Variants in TTBK2 observed in about 807,000 individuals in gnomAD.
TTBK2 encodes tau-tubulin kinase 2.
In TTBK2, 28 loss-of-function variants were observed where a neutral mutation model predicts 110.8. The observed-to-expected ratio is 0.25, with a 90% CI of 0.19 to 0.35. TTBK2 has a LOEUF of 0.35. TTBK2 is among the 10% of genes least tolerant of loss of function. The probability of loss-of-function intolerance (pLI) is 1.00; values close to 1 mark genes in which losing one functional copy is unlikely to be tolerated. For synonymous variants in TTBK2, 532 were observed against 527.3 expected (o/e 1.01, Z -0.12); for missense variants, 1,369 against 1,500.3 (o/e 0.91, Z 1.45).
intron 7 of TTBK2, among the ~76,000 whole-genome samples, 188 bp downstream of exon 7, chr15:42,816,844 G>A (rs542696032): frequency 2.6e-5 from 4 of 151,884 alleles, no homozygotes; most frequent in East Asian, 1.9e-4. Context: ...ACTTGAACCC[G>A]GGAGGCAGAG....
intron 1 of TTBK2, among the ~76,000 whole-genome samples, chr15:42,892,174 G>C (rs968200701): frequency 1.5e-4 from 23 of 152,162 alleles, no homozygotes; most frequent in African/African-American, 5.5e-4. Context: ...CTAGCTTAAT[G>C]TTATTAAGCT....
At chr15:42,845,799 AC>A (rs1893433824) in intron 3 of TTBK2, among the ~76,000 whole-genome samples, 1 of 152,170 alleles carries the variant, frequency 6.6e-6, no homozygotes, top group Non-Finnish European at 1.5e-5. Flanking sequence ...GGGTGTGCTT[AC>A]AAAAACCTAG....
chr15:42,898,361 A>G (rs7165888), intron 1 of TTBK2, among the ~76,000 whole-genome samples: 64,212 of 151,706 alleles, frequency 0.42, 16,405 homozygotes, highest in African/African-American at 0.72. Context: ...CGGGACCAAC[A>G]TGGCAAAACT....
chr15:42,905,579 T>A (rs1278069797), intron 1 of TTBK2, among the ~76,000 whole-genome samples: 2 of 152,246 alleles, frequency 1.3e-5, no homozygotes, highest in African/African-American at 4.8e-5. Context: ...TTAAATTGTA[T>A]AGGAACTTCA....
At chr15:42,790,687 A>T (rs887361003) in intron 10 of TTBK2, among the ~76,000 whole-genome samples, 12 of 137,838 alleles carry the variant, frequency 8.7e-5, no homozygotes, top group Non-Finnish European at 1.8e-4. Context: ...AAATGCTCTT[A>T]GTTCTCTGTG....
At chr15:42,812,648 C>T (rs1446668417) in intron 7 of TTBK2, among the ~76,000 whole-genome samples, 1 of 151,722 alleles carries the variant, frequency 6.6e-6, no homozygotes, top group Non-Finnish European at 1.5e-5. Flanking sequence ...AAAGAAGCTA[C>T]AAAGAGTAGA....
chr15:42,745,490 T>A lies in TTBK2; in HGVS notation c.*305A>T. On this transcript the variant is annotated 3_prime_UTR_variant, in exon 15 of 15. Transcript: ENST00000267890. ...CCCCCTAAAATTCCATTCTATCTCC[T>A]ATCCTCAACTCTTTTGTTTCAAAGG... 1 of 393,890 alleles carries A rather than the reference T, an allele frequency of 2.5e-6. No individual in the cohort carries two copies. The highest frequency in any genetic ancestry group is 4.7e-6 in the Non-Finnish European group (1 of 212,512). 24.4% of individuals were successfully genotyped at this position (393,890 alleles called of 1,614,324 possible). A position where few individuals can be genotyped will look rare whatever the true frequency, so the allele number is the denominator to read the frequency against.
chr15:42,779,183 C>T (rs987965563), intron 11 of TTBK2, among the ~76,000 whole-genome samples: 13 of 152,236 alleles, frequency 8.5e-5, no homozygotes, highest in Middle Eastern at 3.4e-3. Flanking sequence ...GTGGGTGAAT[C>T]ACTTGAGGCC....
intron 3 of TTBK2, among the ~76,000 whole-genome samples, chr15:42,862,748 C>T (rs1165953908): frequency 4.6e-5 from 7 of 152,102 alleles, no homozygotes; most frequent in South Asian, 2.1e-4. Flanking sequence ...ATTAGCCAGG[C>T]GTGGTGGCGC....
At chr15:42,822,491 G>A (rs934992437) in intron 6 of TTBK2, among the ~76,000 whole-genome samples, 1 of 152,092 alleles carries the variant, frequency 6.6e-6, no homozygotes. Flanking sequence ...CAGAAAAAAT[G>A]AGATGCATTT....
intron 3 of TTBK2, among the ~76,000 whole-genome samples, chr15:42,847,890 T>C (rs1356162288): frequency 6.6e-6 from 1 of 152,212 alleles, no homozygotes; most frequent in African/African-American, 2.4e-5. Context: ...TCTCACTTTG[T>C]CACCTAGGTT....
intron 13 of TTBK2, among the ~76,000 whole-genome samples, chr15:42,759,402 G>C (rs1440778088): frequency 6.6e-6 from 1 of 152,212 alleles, no homozygotes; most frequent in African/African-American, 2.4e-5. Flanking sequence ...TTGGACCTGA[G>C]AAACAGCCTG....
chr15:42,846,018 G>C (rs1432910046), intron 3 of TTBK2, among the ~76,000 whole-genome samples: 1 of 151,844 alleles, frequency 6.6e-6, no homozygotes, highest in Non-Finnish European at 1.5e-5. Context: ...ACAAAATGCT[G>C]TTGTGTGATG....
chr15:42,888,813 T>C (rs1395739201), intron 1 of TTBK2, among the ~76,000 whole-genome samples: 30 of 152,152 alleles, frequency 2.0e-4, no homozygotes, highest in Admixed American at 2.0e-3. Context: ...TCAGATCCCA[T>C]CGCTCAGGGC....
At chr15:42,862,886 T>G (rs1894215352) in intron 3 of TTBK2, among the ~76,000 whole-genome samples, 1 of 151,988 alleles carries the variant, frequency 6.6e-6, no homozygotes, top group Non-Finnish European at 1.5e-5. Context: ...AAAACTCTGT[T>G]GCAAAAATAA....
chr15:42,871,976 C>G (rs1265960959), intron 3 of TTBK2, among the ~76,000 whole-genome samples: 1 of 152,016 alleles, frequency 6.6e-6, no homozygotes, highest in Non-Finnish European at 1.5e-5. Flanking sequence ...TGTCATTAAG[C>G]TGAGAATACA....
chr15:42,916,045 T>C (rs1678415828), intron 1 of TTBK2, among the ~76,000 whole-genome samples: 1 of 152,202 alleles, frequency 6.6e-6, no homozygotes, highest in South Asian at 2.1e-4. Flanking sequence ...AATGTGTGTT[T>C]TGATCCTGTA....
At chr15:42,818,057 G>C (rs1299229817) in intron 6 of TTBK2, among the ~76,000 whole-genome samples, 1 of 151,916 alleles carries the variant, frequency 6.6e-6, no homozygotes, top group Non-Finnish European at 1.5e-5. Flanking sequence ...TTCTTATTCT[G>C]TTTATTGCCC....
intron 9 of TTBK2, among the ~76,000 whole-genome samples, chr15:42,807,840 T>C (rs897121266): frequency 2.0e-5 from 3 of 152,206 alleles, no homozygotes; most frequent in Non-Finnish European, 2.9e-5. Flanking sequence ...TATCTTCACA[T>C]TTATTTTAAC....
Sources: allele counts gnomAD v4.1 joint callset (sites outside exome capture counted in the v4.1 genomes callset), GRCh38; gene constraint gnomAD v4.1.1; transcripts MANE v1.5; gene names NCBI Gene and HGNC (gene_info 2026-07-23, HGNC 2026-07-21).